CSMD1: variants seen among roughly 807,000 people sequenced by gnomAD.
CSMD1 encodes CUB and Sushi multiple domains 1.
In CSMD1, 213 loss-of-function variants were observed where a neutral mutation model predicts 417.5. That is an observed-to-expected ratio of 0.51 (90% CI 0.46 to 0.57). The LOEUF is 0.57. Ranked by LOEUF, CSMD1 falls within the 20% of genes least tolerant of loss-of-function variation. CSMD1 has a pLI of 0.00. For missense variants in CSMD1, 6,923 were observed against 4,529.7 expected, an observed-to-expected ratio of 1.53 and a Z score of -15.17; for synonymous variants, 2,862 against 1,736.8, an observed-to-expected ratio of 1.65 and a Z score of -16.11.
chr8:3,927,666 T>C (rs1481848372), intron 5 of CSMD1, among the ~76,000 whole-genome samples: 1 of 152,052 alleles, frequency 6.6e-6, no homozygotes, highest in Non-Finnish European at 1.5e-5. Flanking sequence ...CAAGTGAAAC[T>C]TCATCTCAAA....
intron 1 of CSMD1, among the ~76,000 whole-genome samples, chr8:4,814,409 C>A (rs1563472340): frequency 6.6e-6 from 1 of 152,158 alleles, no homozygotes; most frequent in Admixed American, 6.5e-5. Flanking sequence ...CCAAGCCTGG[C>A]TAATTTTTGT....
chr8:4,804,280 G>C (rs1381507509), intron 1 of CSMD1, among the ~76,000 whole-genome samples: 4 of 152,112 alleles, frequency 2.6e-5, no homozygotes, highest in Admixed American at 2.6e-4. Context: ...ATTGAAGCTG[G>C]AAAACCAACA....
intron 2 of CSMD1, among the ~76,000 whole-genome samples, chr8:4,554,349 C>T (rs1224141918): frequency 6.6e-6 from 1 of 152,152 alleles, no homozygotes; most frequent in Non-Finnish European, 1.5e-5. Context: ...GTTGCCCACG[C>T]TGGTCTGAAA....
chr8:3,143,727 C>T (rs905843928), intron 40 of CSMD1, among the ~76,000 whole-genome samples: 1 of 152,098 alleles, frequency 6.6e-6, no homozygotes, highest in South Asian at 2.1e-4. Flanking sequence ...CTGCATGGTT[C>T]TTCTGTTTTT....
At chr8:3,672,365 A>T (rs951653391) in intron 7 of CSMD1, among the ~76,000 whole-genome samples, 7 of 151,974 alleles carry the variant, frequency 4.6e-5, no homozygotes, top group African/African-American at 1.7e-4. Context: ...GTGTGTCGGC[A>T]TTTAGAACCC....
At chr8:2,980,233 T>C (rs1329426563) in intron 54 of CSMD1, among the ~76,000 whole-genome samples, 1 of 152,208 alleles carries the variant, frequency 6.6e-6, no homozygotes. Flanking sequence ...TGGAAGACTT[T>C]GACCATCTCC....
At chr8:3,410,700 G>C (rs751703628) in intron 12 of CSMD1, among the ~76,000 whole-genome samples, 20 of 152,116 alleles carry the variant, frequency 1.3e-4, no homozygotes, top group African/African-American at 2.4e-5. Context: ...TGTAAAAACA[G>C]ACTAATACAG....
At chr8:2,997,883 G>A in intron 54 of CSMD1, 128 bp downstream of exon 54, 1 of 858,324 alleles carries the variant, frequency 1.2e-6, no homozygotes, top group South Asian at 2.3e-5. Context: ...TTTCACACCT[G>A]AATGGTGAGA....
chr8:4,593,619 G>A (rs953044220), intron 2 of CSMD1, among the ~76,000 whole-genome samples: 1 of 152,068 alleles, frequency 6.6e-6, no homozygotes, highest in African/African-American at 2.4e-5. Context: ...ATATTTTTAT[G>A]ATTTTTGTGA....
intron 10 of CSMD1, among the ~76,000 whole-genome samples, chr8:3,530,002 ATTTAAT>A (rs1438902883): frequency 4.0e-5 from 6 of 151,836 alleles, no homozygotes; most frequent in Admixed American, 2.6e-4. Context: ...CCCCATGACA[ATTTAAT>A]TTTATCAGTG....
intron 5 of CSMD1, among the ~76,000 whole-genome samples, chr8:3,957,029 C>A (rs1467171033): frequency 6.6e-6 from 1 of 152,004 alleles, no homozygotes; most frequent in Admixed American, 6.6e-5. Context: ...GAGTGACAGG[C>A]CTATCTCAGA....
chr8:4,717,266 C>A (rs1808715494), intron 1 of CSMD1, among the ~76,000 whole-genome samples: 2 of 149,246 alleles, frequency 1.3e-5, no homozygotes, highest in African/African-American at 5.0e-5. Context: ...AAAATAGGGC[C>A]TCAAAGAAGC....
intron 1 of CSMD1, among the ~76,000 whole-genome samples, chr8:4,678,124 G>T (rs1206270535): frequency 6.6e-6 from 1 of 151,860 alleles, no homozygotes; most frequent in Non-Finnish European, 1.5e-5. Context: ...AGTCTAAAAA[G>T]AATTTTTCTT....
At chr8:3,856,246 T>TCC (rs1317885525) in intron 5 of CSMD1, among the ~76,000 whole-genome samples, 2 of 152,086 alleles carry the variant, frequency 1.3e-5, no homozygotes, top group African/African-American at 4.8e-5. Flanking sequence ...CTGCTCTCTC[T>TCC]CTTCTTCCTA....
chr8:4,289,271 G>C (rs534132715), intron 3 of CSMD1, among the ~76,000 whole-genome samples: 1 of 152,238 alleles, frequency 6.6e-6, no homozygotes, highest in East Asian at 1.9e-4. Flanking sequence ...AGCCTCTTTA[G>C]GCTAATTTGC....
chr8:4,477,444 G>A (rs1440561571), intron 2 of CSMD1, among the ~76,000 whole-genome samples: 1 of 152,134 alleles, frequency 6.6e-6, no homozygotes, highest in African/African-American at 2.4e-5. Context: ...AACTGAGTCT[G>A]GTAAAACACA....
chr8:3,259,265 T>C (rs1800881321), intron 26 of CSMD1, among the ~76,000 whole-genome samples: 1 of 152,216 alleles, frequency 6.6e-6, no homozygotes, highest in Non-Finnish European at 1.5e-5. Context: ...ATGGAAGACG[T>C]ATGCATTTAT....
At chr8:3,943,720 C>CA (rs962785434) in intron 5 of CSMD1, among the ~76,000 whole-genome samples, 7 of 151,884 alleles carry the variant, frequency 4.6e-5, no homozygotes, top group South Asian at 2.1e-4. Flanking sequence ...ACATTTCTGC[C>CA]AAAAAAATAT....
At chr8:4,948,799 C>G (rs2117272483) in intron 1 of CSMD1, among the ~76,000 whole-genome samples, 2 of 152,048 alleles carry the variant, frequency 1.3e-5, no homozygotes, top group African/African-American at 4.8e-5. Context: ...TTTTTATATT[C>G]CCTTATTCCC....
Sources: gnomAD v4.1 joint callset for allele counts (sites outside exome capture counted in the v4.1 genomes callset) on GRCh38, gnomAD v4.1.1 for gene constraint, MANE v1.5 for transcripts, NCBI Gene and HGNC (gene_info 2026-07-23, HGNC 2026-07-21) for gene names.